The following ZNF84 variants were observed in gnomAD, a reference collection of about 807,000 sequenced individuals.
ZNF84 encodes zinc finger protein HPF2.
Under a neutral mutation model 14.8 loss-of-function variants are expected in ZNF84, and 12 were observed. The observed-to-expected ratio is 0.81, with a 90% CI of 0.52 to 1.31. The LOEUF (loss-of-function observed/expected upper bound fraction) is 1.31, where lower values mean the gene tolerates loss of function less well. ZNF84 is among the 50% of genes most tolerant of loss of function. ZNF84 has a pLI of 0.00. For synonymous variants in ZNF84, 347 were observed against 291.1 expected, an observed-to-expected ratio of 1.19 and a Z score of -1.96; for missense variants, 859 against 878.6, an observed-to-expected ratio of 0.98 and a Z score of 0.28.
intron 4 of ZNF84, among the ~76,000 whole-genome samples, chr12:133,052,723 A>G (rs971090792): frequency 3.3e-5 from 5 of 152,320 alleles, no homozygotes; most frequent in East Asian, 1.9e-4. Context: ...TAGAGGTCCT[A>G]TCTCCAAATA....
intron 1 of ZNF84, chr12:133,037,908 C>T (rs1160197378): frequency 1.3e-5 from 2 of 152,298 alleles, no homozygotes; most frequent in African/African-American, 2.4e-5. Context: ...TGCTGGACCG[C>T]ATCCACCAGC....
chr12:133,057,207 T>C lies in ZNF84; in HGVS notation c.492T>C (p.Phe164=), dbSNP rs1373668857. The change falls in exon 5 of 5, where the codon TTT becomes TTC. Residue 164 remains phenylalanine, a synonymous_variant. Coordinates refer to ENST00000539354, the MANE Select transcript of ZNF84 (RefSeq NM_001289971.2). Reference sequence around the variant, plus strand: ...ATGACTTTAATGTGTTTGATAATTTTTTTCTCCATTCCAAGCCTGAGGATA... The same window carrying C: ...ATGACTTTAATGTGTTTGATAATTTCTTTCTCCATTCCAAGCCTGAGGATA... ...ESDDFNVFDN[F]FLHSKPEDTD... is the part of the protein sequence containing the mutation. 7 of 1,613,204 alleles carry C rather than the reference T, an allele frequency of 4.3e-6. No individual in the cohort carries two copies. The highest frequency in any genetic ancestry group is 5.9e-6 in the Non-Finnish European group (7 of 1,179,810).
rs1392201097 is a variant in ZNF84 at position 133,058,978 on chromosome 12, G to C, written c.*46G>C. 21 of 1,506,482 alleles carry C rather than the reference G, an allele frequency of 1.4e-5. No individual in the cohort carries two copies. The Admixed American group carries it at 4.2e-4, about 30-fold the overall frequency. The allele number at this position is 1,506,482 out of a possible 1,614,324, so 93.3% of individuals were successfully genotyped here. On this transcript the variant is annotated 3_prime_UTR_variant, in exon 5 of 5. Coordinates refer to ENST00000539354, the MANE Select transcript of ZNF84 (RefSeq NM_001289971.2). ...TTTGACAGATCATCTTGGACTTCAG[G>C]AAATGCAATTATGATAACGTTTGTA...
chr12:133,045,705 TC>T (rs1315653342), intron 2 of ZNF84, among the ~76,000 whole-genome samples: 1 of 152,214 alleles, frequency 6.6e-6, no homozygotes, highest in Non-Finnish European at 1.5e-5. Flanking sequence ...TGATTTTTTT[TC>T]TTTCTGGCCA....
chr12:133,046,345 C>A (rs951311795), intron 2 of ZNF84, among the ~76,000 whole-genome samples: 1 of 119,778 alleles, frequency 8.3e-6, no homozygotes, highest in Non-Finnish European at 1.7e-5. Context: ...TCAGTCCTCA[C>A]AGTTTTTTTT....
intron 1 of ZNF84, among the ~76,000 whole-genome samples, chr12:133,038,183 C>T (rs1469529418): frequency 6.6e-6 from 1 of 151,938 alleles, no homozygotes; most frequent in Non-Finnish European, 1.5e-5. Context: ...TATGAAATAG[C>T]TACGTTTATT....
At position 133,059,121 on chromosome 12, in the gene ZNF84, C is replaced by G. The variant is rs1954214465; in HGVS notation, c.*189C>G. The G allele has an allele frequency of 1.8e-6, 1 of 569,372 alleles. No individual in the cohort carries two copies. The highest frequency in any genetic ancestry group is 3.0e-6 in the Non-Finnish European group (1 of 338,764). 35.3% of individuals were successfully genotyped at this position (569,372 alleles called of 1,614,324 possible). On this transcript the variant is annotated 3_prime_UTR_variant, in exon 5 of 5. Transcript: ENST00000539354. ...GAGTGAACCTATGACTGCAGTGGAT[C>G]TCAAAAACTTTTAAAACCATAGACA... is the stretch of plus-strand genomic sequence containing the variant.
intron 2 of ZNF84, among the ~76,000 whole-genome samples, chr12:133,043,062 TTTTA>T (rs1457686126): frequency 4.6e-5 from 7 of 152,212 alleles, no homozygotes; most frequent in Admixed American, 2.6e-4. Context: ...TGTGTGCTCA[TTTTA>T]TTTATTTTGT....
intron 2 of ZNF84, among the ~76,000 whole-genome samples, chr12:133,043,472 A>G (rs1953921761): frequency 1.3e-5 from 2 of 152,142 alleles, no homozygotes; most frequent in African/African-American, 4.8e-5. Flanking sequence ...CCTGGCCAAC[A>G]TTTTTTAAAT....
chr12:133,047,829 A>G, intron 2 of ZNF84, 126 bp from the exon 3 acceptor site: 1 of 991,182 alleles, frequency 1.0e-6, no homozygotes, highest in African/African-American at 1.6e-5. Context: ...AAAATATGCA[A>G]AGGTAGAGAC....
At chr12:133,048,440 T>G in intron 3 of ZNF84, 1 of 291,894 alleles carries the variant, frequency 3.4e-6, no homozygotes, top group Non-Finnish European at 6.5e-6. Context: ...GTACAGTCAT[T>G]ATCCATTTTT....
Position 133,057,373 on chromosome 12 carries a change from C to G in ZNF84, c.658C>G (p.Pro220Ala). The G allele has an allele frequency of 2.5e-6, 4 of 1,613,986 alleles. No individual in the cohort carries two copies. Among genetic ancestry groups the G allele is most frequent in the Non-Finnish European group, 3.4e-6 (4 of 1,180,028 alleles). Residue 220 changes from proline to alanine, a missense_variant, in exon 5 of 5, where the codon CCA (proline) becomes GCA (alanine). By Grantham distance (27) the Pro-to-Ala change is conservative. Transcript: ENST00000539354. ...SECRKRFSKK[P>A]SLIKHQSRHI... The stretch of plus-strand genomic sequence containing the variant: ...ATGTAGGAAGCGCTTCAGTAAGAAA[C>G]CAAGTCTCATTAAACATCAGAGCAG...
chr12:133,043,762 T>A lies in ZNF84; in HGVS notation c.15+2280T>A, dbSNP rs539763383. Among the ~76,000 whole-genome samples the A allele has an allele frequency of 3.6e-4, 55 of 152,138 alleles. 2 individuals carry two copies. In the South Asian group the frequency reaches 8.5e-3, roughly 24 times the overall value. The stretch of plus-strand genomic sequence containing the variant: ...CGGGAACTTATTTTTTTAATTTTTT[T>A]ATTTTTTTTGAGGCAGAGTCTCACT... On this transcript the variant is annotated intron_variant, in intron 2 of 4. Transcript: ENST00000539354.
chr12:133,056,851 C>T, intron 4 of ZNF84, 103 bp from the exon 5 acceptor site: 2 of 970,866 alleles, frequency 2.1e-6, no homozygotes, highest in Non-Finnish European at 3.0e-6. Flanking sequence ...GAAACTAAGC[C>T]TTAAAAGCAG....
chr12:133,053,350 G>C (rs1486436440), intron 4 of ZNF84, among the ~76,000 whole-genome samples: 1 of 152,158 alleles, frequency 6.6e-6, no homozygotes, highest in African/African-American at 2.4e-5. Context: ...AAAATAACAT[G>C]AATGTAAGTT....
At chr12:133,046,873 T>C (rs1173551542) in intron 2 of ZNF84, among the ~76,000 whole-genome samples, 9 of 110,570 alleles carry the variant, frequency 8.1e-5, no homozygotes, top group African/African-American at 2.8e-4. Context: ...ATTTATATTA[T>C]ATATATTTAT....
At chr12:133,046,876 A>T (rs1425317354) in intron 2 of ZNF84, among the ~76,000 whole-genome samples, 6 of 109,138 alleles carry the variant, frequency 5.5e-5, no homozygotes, top group African/African-American at 2.5e-4. Context: ...TATATTATAT[A>T]TATTTATATA....
chr12:133,042,273 G>C (rs1419057235), intron 2 of ZNF84, among the ~76,000 whole-genome samples: 2 of 152,172 alleles, frequency 1.3e-5, no homozygotes, highest in Non-Finnish European at 2.9e-5. Context: ...GTGAACAGGT[G>C]AAAGTTCTCA....
At chr12:133,053,344 T>G (rs1463019841) in intron 4 of ZNF84, among the ~76,000 whole-genome samples, 2 of 152,218 alleles carry the variant, frequency 1.3e-5, no homozygotes, top group Non-Finnish European at 2.9e-5. Context: ...ACATTTAAAA[T>G]AACATGAATG....
Sources: allele counts gnomAD v4.1 joint callset (sites outside exome capture counted in the v4.1 genomes callset), GRCh38; gene constraint gnomAD v4.1.1; transcripts MANE v1.5; gene names NCBI Gene and HGNC (gene_info 2026-07-23, HGNC 2026-07-21).